NR5A2: variants seen among roughly 807,000 people sequenced by gnomAD.
NR5A2 encodes the protein CYP7A promoter-binding factor.
Under a neutral mutation model 62.7 loss-of-function variants are expected in NR5A2, and 26 were observed. The ratio of observed to expected loss-of-function variants is 0.41; its 90% confidence interval spans 0.30 to 0.58. The LOEUF (loss-of-function observed/expected upper bound fraction) is 0.58, where lower values mean the gene tolerates loss of function less well. Ranked by LOEUF, NR5A2 falls within the 20% of genes least tolerant of loss-of-function variation. The pLI is 0.22. For synonymous variants in NR5A2, 246 were observed against 241.7 expected (o/e 1.02, Z -0.16); for missense variants, 541 against 669.1 (o/e 0.81, Z 2.11).
rs917324724 is a variant in NR5A2 at position 200,062,147 on chromosome 1, G to T, written c.1110+13329G>T. 2.6e-5 allele frequency among the ~76,000 whole-genome samples: 4 copies of T among 151,748 alleles called. No individual in the cohort carries two copies. In the East Asian group the frequency reaches 7.7e-4, roughly 29 times the overall value. Reference sequence around the variant, plus strand: ...AATTAGCGTTCCTTATTTTCATACAGGCACACTCATATTCATTTGCTAAAA... The same window carrying T: ...AATTAGCGTTCCTTATTTTCATACATGCACACTCATATTCATTTGCTAAAA... On this transcript the variant is annotated intron_variant, in intron 5 of 7. Transcript: ENST00000367362.
At chr1:200,113,005 G>A (rs1210013330) in intron 6 of NR5A2, among the ~76,000 whole-genome samples, 3 of 152,074 alleles carry the variant, frequency 2.0e-5, no homozygotes, top group South Asian at 2.1e-4. Context: ...AGTGCTGCCC[G>A]TGGGTGAGGG....
At chr1:200,164,570 C>CA (rs1653805660) in intron 7 of NR5A2, among the ~76,000 whole-genome samples, 1 of 138,714 alleles carries the variant, frequency 7.2e-6, no homozygotes, top group African/African-American at 2.8e-5. Context: ...TTTTTTGAGA[C>CA]AGAGTCTTGC....
intron 2 of NR5A2, among the ~76,000 whole-genome samples, chr1:200,043,515 A>G (rs1001264389): frequency 2.0e-5 from 3 of 152,232 alleles, no homozygotes; most frequent in Non-Finnish European, 2.9e-5. Flanking sequence ...TTGTGTTTAA[A>G]AGCGGTCAGT....
Position 200,048,479 on chromosome 1 carries a change from T to G in NR5A2, c.771T>G (p.Gly257=). 2 of 1,614,184 alleles carry G rather than the reference T, an allele frequency of 1.2e-6. No homozygotes were observed. Among genetic ancestry groups the G allele is most frequent in the Non-Finnish European group, 1.7e-6 (2 of 1,180,030 alleles). The change falls in exon 5 of 8, where the codon GGT becomes GGG. Residue 257 remains glycine, a synonymous_variant. Coordinates refer to ENST00000367362, the MANE Select transcript of NR5A2 (RefSeq NM_205860.3). This position sits in a 1 kb window ranked among gnomAD's most constrained non-coding sequence, Gnocchi z 4.8. ...TGCCCCCTCACGGCAGCCTGCAAGGTTACCAAACATATGGCCACTTTCCTA... is the reference window on the plus strand; with the variant it reads ...TGCCCCCTCACGGCAGCCTGCAAGGGTACCAAACATATGGCCACTTTCCTA... The part of the protein sequence containing the change: ...MTMPPHGSLQ[G]YQTYGHFPSR...
At position 200,096,092 on chromosome 1, in the gene NR5A2, TTTTG is replaced by T. The variant is rs369506434; in HGVS notation, c.1111-15090_1111-15087del. Among the ~76,000 whole-genome samples, 141 of 151,962 alleles carry T rather than the reference TTTTG, an allele frequency of 9.3e-4. 2 individuals are homozygous for T. Among genetic ancestry groups the T allele is most frequent in the African/African-American group, 2.8e-3 (117 of 41,472 alleles). On this transcript the variant is annotated intron_variant, in intron 5 of 7. Coordinates refer to ENST00000367362, the MANE Select transcript of NR5A2 (RefSeq NM_205860.3). ...ACACCCATACCACAATGCTGCTTTA[TTTTG>T]TTTGTTTGTTTGTTTGTTTTTGAGG... is the stretch of plus-strand genomic sequence containing the variant.
chr1:200,114,649 G>A (rs1666132952), intron 6 of NR5A2, among the ~76,000 whole-genome samples: 1 of 152,196 alleles, frequency 6.6e-6, no homozygotes, highest in Non-Finnish European at 1.5e-5. Flanking sequence ...TCTGTGAAAT[G>A]CTGACACAAA....
intron 5 of NR5A2, among the ~76,000 whole-genome samples, chr1:200,090,621 A>C (rs1664769230): frequency 6.6e-6 from 1 of 152,242 alleles, no homozygotes; most frequent in Non-Finnish European, 1.5e-5. Flanking sequence ...ATTGATGCCA[A>C]ATGAATACAT....
At chr1:200,062,227 T>TTATGTG (rs1553267511) in intron 5 of NR5A2, among the ~76,000 whole-genome samples, 17 of 145,756 alleles carry the variant, frequency 1.2e-4, no homozygotes, top group African/African-American at 4.1e-4. Flanking sequence ...CTGGCAGATT[T>TTATGTG]TGTGTGTGTG....
At chr1:200,029,111 C>G in intron 1 of NR5A2, 1 of 442,984 alleles carries the variant, frequency 2.3e-6, no homozygotes, top group African/African-American at 2.1e-5. Flanking sequence ...CGGGCAGAAC[C>G]GCCGCGGTGC....
In NR5A2 at chr1:200,127,283, T is replaced by C. The variant is rs377178226; in HGVS notation, c.1378+6328T>C. Among the ~76,000 whole-genome samples, 288 of 152,310 alleles carry C rather than the reference T, an allele frequency of 1.9e-3. 1 individual carries two copies. The highest frequency in any genetic ancestry group is 0.01 in the Middle Eastern group (3 of 294). ...AAGAAGACCTTTGAAGACACAGGTTTGAACTGTGTGGGTCCACTTCTGCTC... is the reference window on the plus strand; with the variant it reads ...AAGAAGACCTTTGAAGACACAGGTTCGAACTGTGTGGGTCCACTTCTGCTC... On this transcript the variant is annotated intron_variant, in intron 7 of 7. Coordinates refer to ENST00000367362, the MANE Select transcript of NR5A2 (RefSeq NM_205860.3).
At chr1:200,098,259 TC>T (rs1665193044) in intron 5 of NR5A2, among the ~76,000 whole-genome samples, 1 of 152,148 alleles carries the variant, frequency 6.6e-6, no homozygotes, top group South Asian at 2.1e-4. Context: ...CTCTTGTTTT[TC>T]CCCCAAATCG....
intron 5 of NR5A2, among the ~76,000 whole-genome samples, chr1:200,073,914 T>A (rs893987275): frequency 6.6e-6 from 1 of 152,148 alleles, no homozygotes; most frequent in Non-Finnish European, 1.5e-5. Context: ...AATGGGTGTA[T>A]AACAGAGACG....
chr1:200,091,763 G>T (rs1057293323), intron 5 of NR5A2, among the ~76,000 whole-genome samples: 2 of 152,160 alleles, frequency 1.3e-5, no homozygotes, highest in Admixed American at 6.5e-5. Flanking sequence ...GATTACAGGC[G>T]TGAGCCACTG....
At chr1:200,099,527 C>A (rs1218066710) in intron 5 of NR5A2, among the ~76,000 whole-genome samples, 1 of 152,090 alleles carries the variant, frequency 6.6e-6, no homozygotes, top group Non-Finnish European at 1.5e-5. Context: ...CAACCAAAAT[C>A]TTCCTTAATT....
At chr1:200,060,072 C>T (rs574285610) in intron 5 of NR5A2, among the ~76,000 whole-genome samples, 54 of 152,272 alleles carry the variant, frequency 3.5e-4, no homozygotes, top group Admixed American at 5.9e-4. Flanking sequence ...GTGGCATGGG[C>T]GCCCTGGCTG....
intron 5 of NR5A2, among the ~76,000 whole-genome samples, chr1:200,078,509 C>T (rs1230325348): frequency 6.6e-6 from 1 of 152,142 alleles, no homozygotes; most frequent in Non-Finnish European, 1.5e-5. Flanking sequence ...CTTGAATGCA[C>T]AGAACAACTG....
intron 5 of NR5A2, among the ~76,000 whole-genome samples, chr1:200,055,843 A>G (rs780391786): frequency 6.6e-6 from 1 of 152,210 alleles, no homozygotes; most frequent in African/African-American, 2.4e-5. Context: ...GCCAGTTCTC[A>G]TACTCATCAC....
At chr1:200,158,404 T>C (rs1041255598) in intron 7 of NR5A2, among the ~76,000 whole-genome samples, 2 of 152,210 alleles carry the variant, frequency 1.3e-5, no homozygotes, top group Non-Finnish European at 2.9e-5. Context: ...TATAAAGTAT[T>C]ATTCTCAGAG....
intron 5 of NR5A2, among the ~76,000 whole-genome samples, chr1:200,077,447 C>T (rs1282718210): frequency 6.6e-6 from 1 of 152,206 alleles, no homozygotes; most frequent in Non-Finnish European, 1.5e-5. Flanking sequence ...GGCTGGGTGG[C>T]TCAAGCCTGT....
Sources: allele counts gnomAD v4.1 joint callset (sites outside exome capture counted in the v4.1 genomes callset), GRCh38; gene constraint gnomAD v4.1.1; non-coding constraint Gnocchi (gnomAD v3.1); transcripts MANE v1.5; gene names NCBI Gene and HGNC (gene_info 2026-07-23, HGNC 2026-07-21).